Variants in OTOGL observed in about 807,000 individuals in gnomAD.
OTOGL encodes the protein otogelin-like protein.
In OTOGL, 285 loss-of-function variants were observed where a neutral mutation model predicts 318.5. The ratio of observed to expected loss-of-function variants is 0.89; its 90% CI spans 0.81 to 0.99. The LOEUF is 0.99. Among genes scored for constraint, OTOGL ranks in the 50% least tolerant of loss-of-function variants. OTOGL has a pLI of 0.00. For missense variants in OTOGL, 2,899 were observed against 2,845.6 expected (o/e 1.02, Z -0.43); for synonymous variants, 987 against 936.5 (o/e 1.05, Z -0.99).
chr12:80,307,327 C>T (rs1057155959), intron 29 of OTOGL, among the ~76,000 whole-genome samples: 5 of 151,952 alleles, frequency 3.3e-5, no homozygotes, highest in African/African-American at 1.2e-4. Context: ...GTTGGGTACA[C>T]CTCCCAGACG....
In OTOGL at chr12:80,296,864, A is replaced by T; in HGVS notation, c.2966A>T (p.Asn989Ile). ...TCAGATATATCTGTCATTGCCCAGA[A>T]CAAGAAATGCTTTGACAACGATATT... is the stretch of plus-strand genomic sequence containing the variant. ...DDSDISVIAQ[N>I]KKCFDNDIVC... The change falls in exon 27 of 59, where the codon AAC (asparagine) becomes ATC (isoleucine). Residue 989 changes from asparagine (N) to isoleucine (I), a missense_variant. Physicochemically the swap from Asn to Ile is moderately radical, Grantham distance 149. This residue lies in a region of OTOGL where 2,607 missense variants were observed against 2,524.9 expected (regional missense o/e 1.03). Transcript: ENST00000547103. The T allele has an allele frequency of 6.5e-7, 1 of 1,528,194 alleles. No individual in the cohort carries two copies. Among genetic ancestry groups the T allele is most frequent in the Non-Finnish European group, 8.8e-7 (1 of 1,139,144 alleles). 94.7% of individuals were successfully genotyped at this position (1,528,194 alleles called of 1,614,324 possible).
chr12:80,227,531 T>G (rs1285957633), intron 7 of OTOGL, among the ~76,000 whole-genome samples: 2 of 152,212 alleles, frequency 1.3e-5, no homozygotes, highest in African/African-American at 2.4e-5. Context: ...AAACTCTGGA[T>G]ATATGCATGG....
At chr12:80,277,693 G>T (rs1340095056) in intron 24 of OTOGL, among the ~76,000 whole-genome samples, 2 of 151,370 alleles carry the variant, frequency 1.3e-5, no homozygotes, top group African/African-American at 4.8e-5. Flanking sequence ...AAACTCTCCT[G>T]CTTTCAACTT....
intron 26 of OTOGL, among the ~76,000 whole-genome samples, chr12:80,281,726 T>C (rs1884249915): frequency 1.3e-5 from 2 of 151,740 alleles, no homozygotes; most frequent in African/African-American, 2.4e-5. Context: ...TATTTATAGG[T>C]AATGGGCTAG....
chr12:80,292,609 G>A (rs1885119753), intron 26 of OTOGL, among the ~76,000 whole-genome samples: 1 of 152,164 alleles, frequency 6.6e-6, no homozygotes, highest in African/African-American at 2.4e-5. Context: ...TTTTTGAGAA[G>A]AATAAAAGTA....
intron 11 of OTOGL, among the ~76,000 whole-genome samples, chr12:80,248,178 T>G (rs1007586935): frequency 1.3e-4 from 19 of 142,402 alleles, no homozygotes; most frequent in Middle Eastern, 3.5e-3. Context: ...AAAGTTAATA[T>G]TGTTATGTGT....
At chr12:80,144,579 G>C (rs1183295037) in intron 1 of OTOGL, among the ~76,000 whole-genome samples, 28 of 151,692 alleles carry the variant, frequency 1.8e-4, no homozygotes, top group South Asian at 4.2e-4. Context: ...CCAGTAATGG[G>C]ATGGCTGGGT....
At chr12:80,345,214 A>C (rs1394798160) in intron 44 of OTOGL, among the ~76,000 whole-genome samples, 1 of 119,914 alleles carries the variant, frequency 8.3e-6, no homozygotes, top group Admixed American at 9.5e-5. Flanking sequence ...ATTATGTATA[A>C]AATATATATA....
At chr12:80,208,093 C>A in intron 1 of OTOGL, 1 of 452,064 alleles carries the variant, frequency 2.2e-6, no homozygotes, top group Non-Finnish European at 4.4e-6. Context: ...GGGGGACAGT[C>A]ACATAACTAC....
chr12:80,285,442 G>T (rs1411881863), intron 26 of OTOGL, among the ~76,000 whole-genome samples: 1 of 152,110 alleles, frequency 6.6e-6, no homozygotes, highest in African/African-American at 2.4e-5. Flanking sequence ...GATGGGAATA[G>T]CATTGAATCT....
intron 34 of OTOGL, 36 bp from the exon 35 acceptor site, chr12:80,323,687 A>G (rs764908020): frequency 1.2e-5 from 18 of 1,474,248 alleles, no homozygotes; most frequent in Non-Finnish European, 1.5e-5. Context: ...GCTATGTATT[A>G]AATATGCACA....
intron 37 of OTOGL, among the ~76,000 whole-genome samples, chr12:80,331,622 C>A (rs1888075815): frequency 6.6e-6 from 1 of 151,976 alleles, no homozygotes; most frequent in South Asian, 2.1e-4. Flanking sequence ...TTACAGATGA[C>A]AGCCACCGTG....
intron 1 of OTOGL, among the ~76,000 whole-genome samples, chr12:80,208,655 A>G (rs1458810736): frequency 6.6e-6 from 1 of 152,242 alleles, no homozygotes; most frequent in Admixed American, 6.5e-5. Context: ...TGCTGAAGTA[A>G]TAAGTCTGTT....
At chr12:80,360,207 A>G (rs975421098) in intron 52 of OTOGL, among the ~76,000 whole-genome samples, 1 of 152,316 alleles carries the variant, frequency 6.6e-6, no homozygotes, top group East Asian at 1.9e-4. Flanking sequence ...GGGCTCAATC[A>G]GTATTAGTTA....
intron 26 of OTOGL, among the ~76,000 whole-genome samples, chr12:80,290,172 G>A (rs1029089964): frequency 2.6e-5 from 4 of 152,104 alleles, no homozygotes; most frequent in Non-Finnish European, 5.9e-5. Context: ...GCACTTCGTG[G>A]GTGAGGTGAC....
At chr12:80,210,696 C>T in intron 2 of OTOGL, 151 bp from the exon 3 acceptor site, 1 of 507,094 alleles carries the variant, frequency 2.0e-6, no homozygotes, top group Non-Finnish European at 3.3e-6. Context: ...AGGAAATTTG[C>T]TGGTCAAATC....
chr12:80,170,207 GTGTGTGTATGTA>G (rs1232351022), intron 1 of OTOGL, among the ~76,000 whole-genome samples: 105 of 115,168 alleles, frequency 9.1e-4, no homozygotes, highest in African/African-American at 4.6e-3. Context: ...GTGTGTGTGT[GTGTGTGTATGTA>G]TGTGTGTGTG....
chr12:80,109,919 CTT>C (rs1869724334), intron 1 of OTOGL, among the ~76,000 whole-genome samples: 1 of 152,060 alleles, frequency 6.6e-6, no homozygotes, highest in Non-Finnish European at 1.5e-5. Context: ...CTTACACACT[CTT>C]ATAATACTTA....
At chr12:80,162,926 T>A (rs772915906) in intron 1 of OTOGL, among the ~76,000 whole-genome samples, 1 of 152,036 alleles carries the variant, frequency 6.6e-6, no homozygotes. Flanking sequence ...AACTCCTGGA[T>A]GATAGGCTGA....
Sources: allele counts gnomAD v4.1 joint callset (sites outside exome capture counted in the v4.1 genomes callset), GRCh38; gene constraint gnomAD v4.1.1; regional missense constraint gnomAD v4.1.1; transcripts MANE v1.5; gene names NCBI Gene and HGNC (gene_info 2026-07-23, HGNC 2026-07-21).